LRRC4C: variants seen among roughly 807,000 people sequenced by gnomAD.
The protein encoded by LRRC4C is leucine-rich repeat-containing protein 4C.
A neutral mutation model predicts 33.6 loss-of-function variants in LRRC4C; 5 were observed. The observed-to-expected ratio is 0.15, with a 90% CI of 0.08 to 0.31. The LOEUF is 0.31. Ranked by LOEUF, LRRC4C falls within the 10% of genes least tolerant of loss-of-function variation. The probability of loss-of-function intolerance (pLI) is 1.00; values close to 1 mark genes in which losing one functional copy is unlikely to be tolerated. For synonymous variants in LRRC4C, 329 were observed against 302.0 expected (o/e 1.09, Z -0.93); for missense variants, 560 against 796.7 (o/e 0.70, Z 3.58).
At chr11:41,275,462 A>C (rs1367739168) in intron 1 of LRRC4C, among the ~76,000 whole-genome samples, 1 of 152,228 alleles carries the variant, frequency 6.6e-6, no homozygotes, top group Non-Finnish European at 1.5e-5. Context: ...GTCCTTTCAA[A>C]CACAGAAGCA....
At chr11:40,712,471 C>T (rs1195366058) in intron 2 of LRRC4C, among the ~76,000 whole-genome samples, 1 of 152,126 alleles carries the variant, frequency 6.6e-6, no homozygotes, top group East Asian at 1.9e-4. Flanking sequence ...ACTGTGTCCT[C>T]ACCCAAAATC....
chr11:40,899,575 C>T (rs908614433), intron 2 of LRRC4C, among the ~76,000 whole-genome samples: 1 of 152,048 alleles, frequency 6.6e-6, no homozygotes, highest in African/African-American at 2.4e-5. Flanking sequence ...TGAGCTTTTC[C>T]CAACATAGAT....
intron 4 of LRRC4C, among the ~76,000 whole-genome samples, chr11:40,271,985 A>G (rs1157623187): frequency 6.6e-6 from 1 of 152,136 alleles, no homozygotes; most frequent in Non-Finnish European, 1.5e-5. Context: ...TCTATCTGAA[A>G]GTCAGTGCTA....
At chr11:40,640,513 A>AT (rs1027373140) in intron 3 of LRRC4C, among the ~76,000 whole-genome samples, 69 of 148,824 alleles carry the variant, frequency 4.6e-4, no homozygotes, top group Middle Eastern at 3.4e-3. Flanking sequence ...TTTTCTATAT[A>AT]TTTTTTTTTA....
chr11:40,220,205 T>C (rs1338871230), intron 5 of LRRC4C, among the ~76,000 whole-genome samples: 1 of 152,208 alleles, frequency 6.6e-6, no homozygotes, highest in Non-Finnish European at 1.5e-5. Context: ...TGTTATCATT[T>C]ATCTCCTGTG....
intron 4 of LRRC4C, among the ~76,000 whole-genome samples, chr11:40,260,870 A>T (rs1590848376): frequency 1.3e-5 from 2 of 152,190 alleles, no homozygotes; most frequent in Non-Finnish European, 2.9e-5. Flanking sequence ...ATCACAAAAC[A>T]TACAAAAAAT....
At chr11:40,908,955 A>T (rs933305791) in intron 2 of LRRC4C, among the ~76,000 whole-genome samples, 1 of 152,110 alleles carries the variant, frequency 6.6e-6, no homozygotes, top group Non-Finnish European at 1.5e-5. Context: ...GTATACAACT[A>T]GGAGGTGAGA....
intron 1 of LRRC4C, among the ~76,000 whole-genome samples, chr11:40,961,589 T>C (rs1484901826): frequency 6.6e-6 from 1 of 151,748 alleles, no homozygotes; most frequent in Non-Finnish European, 1.5e-5. Flanking sequence ...AGGAAGTTAA[T>C]AATGATTTTC....
chr11:40,828,345 AG>A (rs1952256922), intron 2 of LRRC4C, among the ~76,000 whole-genome samples: 1 of 151,772 alleles, frequency 6.6e-6, no homozygotes, highest in South Asian at 2.1e-4. Flanking sequence ...TTATGCAACT[AG>A]GATGCAAAAC....
chr11:40,336,001 A>C (rs374429531), intron 3 of LRRC4C, among the ~76,000 whole-genome samples: 1 of 152,214 alleles, frequency 6.6e-6, no homozygotes, highest in African/African-American at 2.4e-5. Flanking sequence ...CATGTTAAGC[A>C]CACAGACCAG....
chr11:41,031,407 T>C (rs751953804), intron 1 of LRRC4C, among the ~76,000 whole-genome samples: 26 of 151,966 alleles, frequency 1.7e-4, no homozygotes, highest in Non-Finnish European at 3.4e-4. Flanking sequence ...TATCTAATGA[T>C]TATACAGTAC....
At chr11:40,253,870 A>T (rs1866984508) in intron 4 of LRRC4C, among the ~76,000 whole-genome samples, 1 of 152,226 alleles carries the variant, frequency 6.6e-6, no homozygotes, top group Non-Finnish European at 1.5e-5. Flanking sequence ...TAAAGTGCTT[A>T]TCATACGTTA....
chr11:41,291,463 A>C (rs1238812592), intron 1 of LRRC4C, among the ~76,000 whole-genome samples: 4 of 152,172 alleles, frequency 2.6e-5, no homozygotes, highest in Admixed American at 2.6e-4. Context: ...TAAAATCTCT[A>C]TATATAACAT....
intron 1 of LRRC4C, among the ~76,000 whole-genome samples, chr11:41,350,742 A>G (rs557367943): frequency 6.6e-6 from 1 of 152,222 alleles, no homozygotes; most frequent in Non-Finnish European, 1.5e-5. Flanking sequence ...AAGGAATCCC[A>G]TAAAGTCATA....
intron 3 of LRRC4C, among the ~76,000 whole-genome samples, chr11:40,553,347 AAATT>A (rs1240106872): frequency 6.6e-6 from 1 of 152,162 alleles, no homozygotes; most frequent in African/African-American, 2.4e-5. Context: ...TTATAGAACT[AAATT>A]AATATAGGAA....
At chr11:41,008,359 G>C (rs1322932253) in intron 1 of LRRC4C, among the ~76,000 whole-genome samples, 1 of 152,076 alleles carries the variant, frequency 6.6e-6, no homozygotes, top group Non-Finnish European at 1.5e-5. Context: ...CCGTCTCTCT[G>C]ACTTTAACGC....
chr11:41,173,253 C>A (rs1266896039), intron 1 of LRRC4C, among the ~76,000 whole-genome samples: 2 of 152,052 alleles, frequency 1.3e-5, no homozygotes, highest in African/African-American at 4.8e-5. Context: ...TAGGACTAAC[C>A]CGCAGCTCTT....
intron 1 of LRRC4C, among the ~76,000 whole-genome samples, chr11:41,042,778 T>C (rs1857516759): frequency 6.6e-6 from 1 of 152,208 alleles, no homozygotes; most frequent in Admixed American, 6.5e-5. Context: ...TTTGTTGTTG[T>C]TGTTAAATGT....
intron 2 of LRRC4C, among the ~76,000 whole-genome samples, chr11:40,787,262 G>GC (rs1048116467): frequency 2.6e-5 from 3 of 116,474 alleles, no homozygotes; most frequent in African/African-American, 5.1e-5. Context: ...ATTGCCAACT[G>GC]GGGGGGGTAG....
Sources: gnomAD v4.1 joint callset for allele counts (sites outside exome capture counted in the v4.1 genomes callset) on GRCh38, gnomAD v4.1.1 for gene constraint, MANE v1.5 for transcripts, NCBI Gene and HGNC (gene_info 2026-07-23, HGNC 2026-07-21) for gene names.